The following XKR4 variants were observed in gnomAD, a reference collection of about 807,000 sequenced individuals.
XKR4 encodes XK-related protein 4.
Under a neutral mutation model 53.9 loss-of-function variants are expected in XKR4, and 12 were observed. That is an observed-to-expected ratio of 0.22 (90% CI 0.14 to 0.36). The LOEUF (loss-of-function observed/expected upper bound fraction) is 0.36. Ranked by LOEUF, XKR4 falls within the 10% of genes least tolerant of loss-of-function variation. The pLI, the probability that XKR4 is intolerant of heterozygous loss-of-function variation, is 1.00. For synonymous variants in XKR4, 354 were observed against 362.4 expected, an observed-to-expected ratio of 0.98 and a Z score of 0.26; for missense variants, 799 against 859.5, an observed-to-expected ratio of 0.93 and a Z score of 0.88.
rs192424093 is a variant in XKR4 at position 55,439,599 on chromosome 8, A to G, written c.1006+81722A>G. Among the ~76,000 whole-genome samples, 40 of 152,378 alleles carry G rather than the reference A, an allele frequency of 2.6e-4. No individual in the cohort carries two copies. In the East Asian group the frequency reaches 7.5e-3, roughly 29 times the overall value. ...ACTAAAATAAAATTTGTATGTGTAG[A>G]TTAAACAGCAGATTAGATATAGCCA... is the stretch of plus-strand genomic sequence containing the variant. On this transcript the variant is annotated intron_variant, in intron 2 of 2. Transcript: ENST00000327381.
intron 2 of XKR4, among the ~76,000 whole-genome samples, chr8:55,359,092 A>C (rs1232888289): frequency 6.6e-6 from 1 of 152,228 alleles, no homozygotes; most frequent in East Asian, 1.9e-4. Context: ...AGAGATCCAC[A>C]ATGTATGTTT....
rs548586502 is a variant in XKR4 at position 55,300,499 on chromosome 8, C to A, written c.807-57179C>A. Among the ~76,000 whole-genome samples, 4 of 152,150 alleles carry A rather than the reference C, an allele frequency of 2.6e-5. No individual in the cohort carries two copies. The South Asian group carries it at 8.3e-4, about 32-fold the overall frequency. On this transcript the variant is annotated intron_variant, in intron 1 of 2. Transcript: ENST00000327381. Reference sequence around the variant, plus strand: ...CTCGAGGGCAAGGAGATAGAGTGGGCAGGCATCTAAGCCTCAGATGCATTG... The same window carrying A: ...CTCGAGGGCAAGGAGATAGAGTGGGAAGGCATCTAAGCCTCAGATGCATTG...
rs866275671 is a variant in XKR4 at position 55,312,678 on chromosome 8, T to A, written c.807-45000T>A. On this transcript the variant is annotated intron_variant, in intron 1 of 2. Coordinates refer to ENST00000327381, the MANE Select transcript of XKR4 (RefSeq NM_052898.2). ...TTGATGTAATTAACGCCCATCAAGA[T>A]CTTATTTAGAAGTATTCTCTTTTCA... Among the ~76,000 whole-genome samples, 5 of 152,370 alleles carry A rather than the reference T, an allele frequency of 3.3e-5. No individual in the cohort carries two copies. In the South Asian group the frequency reaches 1.0e-3, roughly 32 times the overall value.
At chr8:55,303,172 T>C (rs1414111415) in intron 1 of XKR4, among the ~76,000 whole-genome samples, 1 of 152,230 alleles carries the variant, frequency 6.6e-6, no homozygotes, top group Admixed American at 6.5e-5. Flanking sequence ...ATAGGTCCCA[T>C]GAATACCTAA....
At chr8:55,451,712 G>C (rs1430356722) in intron 2 of XKR4, 1 of 1,305,818 alleles carries the variant, frequency 7.7e-7, no homozygotes, top group South Asian at 1.2e-5. Context: ...GCATGCATGC[G>C]GTTGACCAGA....
At chr8:55,174,149 A>T (rs906976949) in intron 1 of XKR4, among the ~76,000 whole-genome samples, 4 of 149,416 alleles carry the variant, frequency 2.7e-5, no homozygotes, top group Non-Finnish European at 4.4e-5. Context: ...ATGATCATTT[A>T]AAAAAAAAGA....
chr8:55,363,691 C>T (rs1410915709), intron 2 of XKR4, among the ~76,000 whole-genome samples: 2 of 152,198 alleles, frequency 1.3e-5, no homozygotes, highest in Non-Finnish European at 2.9e-5. Flanking sequence ...TGCCCAACGC[C>T]TTCCTCCTTT....
intron 1 of XKR4, among the ~76,000 whole-genome samples, chr8:55,308,009 C>G (rs868514148): frequency 6.6e-6 from 1 of 152,110 alleles, no homozygotes; most frequent in African/African-American, 2.4e-5. Flanking sequence ...AATCCCAGCA[C>G]TTTGGGAGGC....
intron 1 of XKR4, among the ~76,000 whole-genome samples, chr8:55,224,493 C>T (rs1262772081): frequency 6.6e-6 from 1 of 152,128 alleles, no homozygotes; most frequent in Non-Finnish European, 1.5e-5. Flanking sequence ...TCAACTTTGT[C>T]ACTTACTTTT....
intron 1 of XKR4, among the ~76,000 whole-genome samples, chr8:55,156,345 CG>C (rs905073441): frequency 6.6e-6 from 1 of 150,512 alleles, no homozygotes; most frequent in African/African-American, 2.4e-5. Flanking sequence ...CGTAAAGACT[CG>C]TAAGGACTTG....
chr8:55,274,770 TG>T (rs747748763), intron 1 of XKR4, among the ~76,000 whole-genome samples: 1 of 152,196 alleles, frequency 6.6e-6, no homozygotes, highest in Non-Finnish European at 1.5e-5. Context: ...TCATTCATAC[TG>T]GGGACCTTAT....
chr8:55,385,549 T>C (rs982330), intron 2 of XKR4, among the ~76,000 whole-genome samples: 104,422 of 152,128 alleles, frequency 0.69, 36,871 homozygotes, highest in African/African-American at 0.86. Context: ...CCCATAAGTA[T>C]TCAATATCTA....
intron 2 of XKR4, among the ~76,000 whole-genome samples, chr8:55,466,520 G>A (rs1420492139): frequency 6.6e-6 from 1 of 151,998 alleles, no homozygotes; most frequent in Non-Finnish European, 1.5e-5. Flanking sequence ...AGCATTAGGT[G>A]ATATACCTAA....
chr8:55,160,689 C>T (rs1434374923), intron 1 of XKR4, among the ~76,000 whole-genome samples: 1 of 152,114 alleles, frequency 6.6e-6, no homozygotes, highest in African/African-American at 2.4e-5. Context: ...TTCGGTTGAA[C>T]CACACAAAAT....
chr8:55,507,354 A>T (rs1253414880), intron 2 of XKR4, among the ~76,000 whole-genome samples: 1 of 151,110 alleles, frequency 6.6e-6, no homozygotes, highest in Non-Finnish European at 1.5e-5. Context: ...TTACTGTTGG[A>T]TTTTTTTTTA....
chr8:55,127,902 A>T (rs1816495948), intron 1 of XKR4, among the ~76,000 whole-genome samples: 1 of 152,094 alleles, frequency 6.6e-6, no homozygotes, highest in Non-Finnish European at 1.5e-5. Context: ...CCTACAAAGG[A>T]CATGAACTCA....
chr8:55,446,597 C>T (rs1805351793), intron 2 of XKR4, among the ~76,000 whole-genome samples: 1 of 152,180 alleles, frequency 6.6e-6, no homozygotes, highest in Non-Finnish European at 1.5e-5. Flanking sequence ...GATCTGCCCA[C>T]CTCGGCCTCC....
At chr8:55,366,551 T>A (rs763384097) in intron 2 of XKR4, among the ~76,000 whole-genome samples, 1 of 152,220 alleles carries the variant, frequency 6.6e-6, no homozygotes, top group Non-Finnish European at 1.5e-5. Context: ...ATGTCCCCCT[T>A]GAAATTCCGT....
At chr8:55,336,041 C>CAAAAAAAAAAAAAAAA (rs34885296) in intron 1 of XKR4, among the ~76,000 whole-genome samples, 5 of 113,666 alleles carry the variant, frequency 4.4e-5, no homozygotes, top group Middle Eastern at 4.5e-3. Context: ...AACTCTATAC[C>CAAAAAAAAAAAAAAAA]AAAAAAAAAA....
Sources: allele counts gnomAD v4.1 joint callset (sites outside exome capture counted in the v4.1 genomes callset), GRCh38; gene constraint gnomAD v4.1.1; transcripts MANE v1.5; gene names NCBI Gene and HGNC (gene_info 2026-07-23, HGNC 2026-07-21).